Variants in PIP5K1C observed in about 807,000 individuals in gnomAD.
PIP5K1C encodes phosphatidylinositol-4-phosphate 5-kinase type 1 gamma.
PIP5K1C carries 45 observed loss-of-function variants against 80.1 expected under a neutral mutation model. The ratio of observed to expected loss-of-function variants is 0.56; its 90% CI spans 0.44 to 0.72. The LOEUF (loss-of-function observed/expected upper bound fraction) is 0.72. PIP5K1C is among the 30% of genes least tolerant of loss of function. The pLI, the probability that PIP5K1C is intolerant of heterozygous loss-of-function variation, is 0.00. For missense variants in PIP5K1C, 753 were observed against 954.6 expected (o/e 0.79, Z 2.78); for synonymous variants, 498 against 420.1 (o/e 1.19, Z -2.27).
intron 1 of PIP5K1C, among the ~76,000 whole-genome samples, chr19:3,675,630 G>A (rs375750266): frequency 1.3e-5 from 2 of 152,146 alleles, no homozygotes; most frequent in Non-Finnish European, 2.9e-5. Context: ...GACATCAAAC[G>A]GCCCTGCCTC....
At chr19:3,638,738 G>T in intron 16 of PIP5K1C, 146 bp downstream of exon 16, 2 of 1,038,656 alleles carry the variant, frequency 1.9e-6, no homozygotes, top group Non-Finnish European at 2.9e-6. Flanking sequence ...GAGAGTGCTG[G>T]CTGGTGAGAG....
chr19:3,661,916 A>G lies in PIP5K1C; in HGVS notation c.305T>C (p.Val102Ala). 6.2e-7 allele frequency: 1 copy of G among 1,612,950 alleles called. No homozygotes were observed. Among genetic ancestry groups the G allele is most frequent in the Admixed American group, 1.7e-5 (1 of 60,030 alleles). The change falls in exon 4 of 18, where the codon GTG becomes GCG. Residue 102 changes from valine to alanine, a missense_variant. Physicochemically the swap from Val to Ala is moderately conservative, Grantham distance 64. This residue lies in a region of PIP5K1C where 139 missense variants were observed against 289.7 expected (regional missense o/e 0.48). Coordinates refer to ENST00000335312, the MANE Select transcript of PIP5K1C (RefSeq NM_012398.3). ...GHLSSKPERDVLMQDFYVVES... is the reference protein window; with the variant it reads ...GHLSSKPERDALMQDFYVVES... ...CACCACGTAGAAGTCCTGCATGAGC[A>G]CGTCGCGTTCGGGCTTGGAGCTCAG...
rs747435471 is a variant in PIP5K1C at position 3,633,160 on chromosome 19, A to C, written c.*7T>G. 1 of 767,064 alleles carries C rather than the reference A, an allele frequency of 1.3e-6. No individual in the cohort carries two copies. Among genetic ancestry groups the C allele is most frequent in the Non-Finnish European group, 2.4e-6 (1 of 412,304 alleles). The allele number at this position is 767,064 out of a possible 1,614,324, so 47.5% of individuals were successfully genotyped here. A position where few individuals can be genotyped will look rare whatever the true frequency, so the allele number is the denominator to read the frequency against. On this transcript the variant is annotated 3_prime_UTR_variant, in exon 18 of 18. Coordinates refer to ENST00000335312, the MANE Select transcript of PIP5K1C (RefSeq NM_012398.3). ...AGCTCGGCTCTGGGTCGGGGGCTGC[A>C]TAGAAATTACTGCAAGAGCAAGAGG...
intron 1 of PIP5K1C, among the ~76,000 whole-genome samples, chr19:3,667,808 G>A (rs779625342): frequency 1.6e-4 from 24 of 152,244 alleles, no homozygotes; most frequent in Admixed American, 5.2e-4. Flanking sequence ...CCGCTTCCTC[G>A]GAGGCAGGCG....
intron 1 of PIP5K1C, among the ~76,000 whole-genome samples, chr19:3,683,171 A>G (rs1180877962): frequency 6.6e-6 from 1 of 151,926 alleles, no homozygotes; most frequent in East Asian, 1.9e-4. Flanking sequence ...GATCCTCCAC[A>G]TTTGTTCCCT....
At position 3,641,276 on chromosome 19, in the gene PIP5K1C, TA is replaced by T. The variant is rs200466191; in HGVS notation, c.1787+428del. Reference sequence around the variant, plus strand: ...TTAAATTAATAAATACTAAAAAGGTTAAAAAAAAATTAGTTAAATACTTGGA... The same window carrying T: ...TTAAATTAATAAATACTAAAAAGGTTAAAAAAAATTAGTTAAATACTTGGA... On this transcript the variant is annotated intron_variant, in intron 15 of 17. Transcript: ENST00000335312. 7.3e-3 allele frequency among the ~76,000 whole-genome samples: 1,110 copies of T among 151,334 alleles called. 8 individuals are homozygous for T. The highest frequency in any genetic ancestry group is 0.02 in the African/African-American group (818 of 41,338).
rs541942124 is a variant in PIP5K1C, at chr19:3,675,467, G to A, written c.95-8114C>T. On this transcript the variant is annotated intron_variant, in intron 1 of 17. Transcript: ENST00000335312. ...AGCTTCTCACACTGTCTGTGCTGTA[G>A]AACTGAGTTCAACCTTTCTTTTCTC... 2.0e-5 allele frequency among the ~76,000 whole-genome samples: 3 copies of A among 152,300 alleles called. 1 individual carries two copies. Among genetic ancestry groups the A allele is most frequent in the Admixed American group, 2.0e-4 (3 of 15,300 alleles).
At position 3,696,070 on chromosome 19, in the gene PIP5K1C, G is replaced by A. The variant is rs2036093059; in HGVS notation, c.94+4227C>T. 2.0e-5 allele frequency among the ~76,000 whole-genome samples: 3 copies of A among 152,174 alleles called. No individual in the cohort carries two copies. The highest frequency in any genetic ancestry group is 6.5e-5 in the Admixed American group (1 of 15,274). On this transcript the variant is annotated intron_variant, in intron 1 of 17. Transcript: ENST00000335312. The surrounding 1 kb of genome is among the most constrained non-coding windows in gnomAD (Gnocchi z 4.1). ...ACACAGACCACCACAGCTACAGGGAGGCCCTGGTGGCGGTGCTGACTCCCT... is the reference window on the plus strand; with the variant it reads ...ACACAGACCACCACAGCTACAGGGAAGCCCTGGTGGCGGTGCTGACTCCCT...
Position 3,688,048 on chromosome 19 carries a change from G to A in PIP5K1C, c.94+12249C>T, listed in dbSNP as rs1472300776. ...CGCAGGTGGCGGGGCCGACGGGATG[G>A]GTCAGGGTGCACAGAGCACACGCCA... On this transcript the variant is annotated intron_variant, in intron 1 of 17. Transcript: ENST00000335312. This position sits in a 1 kb window ranked among gnomAD's most constrained non-coding sequence, Gnocchi z 5.3. 6.6e-6 allele frequency among the ~76,000 whole-genome samples: 1 copy of A among 152,174 alleles called. No individual in the cohort carries two copies. Among genetic ancestry groups the A allele is most frequent in the Non-Finnish European group, 1.5e-5 (1 of 68,018 alleles).
intron 12 of PIP5K1C, 113 bp downstream of exon 12, chr19:3,643,974 C>T (rs866616424): frequency 3.5e-5 from 46 of 1,297,564 alleles, no homozygotes; most frequent in African/African-American, 2.5e-4. Flanking sequence ...CCTGCAGATC[C>T]GGAGGGGGTG....
At chr19:3,689,983 G>A (rs911647920) in intron 1 of PIP5K1C, among the ~76,000 whole-genome samples, 6 of 152,068 alleles carry the variant, frequency 3.9e-5, no homozygotes, top group African/African-American at 1.5e-4. Context: ...ATTTTTAATA[G>A]CCTAATATAA....
intron 16 of PIP5K1C, among the ~76,000 whole-genome samples, chr19:3,635,764 G>A (rs1369551507): frequency 1.3e-5 from 2 of 152,188 alleles, no homozygotes; most frequent in Non-Finnish European, 2.9e-5. Flanking sequence ...CAGATCACGA[G>A]GTCAGGAGAT....
At chr19:3,675,073 A>C (rs1452159927) in intron 1 of PIP5K1C, among the ~76,000 whole-genome samples, 1 of 152,122 alleles carries the variant, frequency 6.6e-6, no homozygotes, top group African/African-American at 2.4e-5. Flanking sequence ...GAGGGGATGC[A>C]TGGGTGCTGG....
At position 3,692,398 on chromosome 19, in the gene PIP5K1C, GC is replaced by G. The variant is rs1420569145; in HGVS notation, c.94+7898del. 5.3e-5 allele frequency among the ~76,000 whole-genome samples: 8 copies of G among 152,166 alleles called. No homozygotes were observed. The highest frequency in any genetic ancestry group is 1.3e-4 in the Admixed American group (2 of 15,290). On this transcript the variant is annotated intron_variant, in intron 1 of 17. Transcript: ENST00000335312. This position sits in a 1 kb window ranked among gnomAD's most constrained non-coding sequence, Gnocchi z 5.2. The stretch of plus-strand genomic sequence containing the variant: ...AGCTCGGCCATGCTGGGCCCCGGCG[GC>G]CCCCATGCTGCCCTTCCTGCATCCA...
chr19:3,681,368 T>A (rs745353056), intron 1 of PIP5K1C, among the ~76,000 whole-genome samples: 13 of 151,946 alleles, frequency 8.6e-5, no homozygotes, highest in Non-Finnish European at 1.6e-4. Flanking sequence ...GTAGCTGGGA[T>A]TACAGGCGTT....
At chr19:3,668,038 C>T (rs369097008) in intron 1 of PIP5K1C, among the ~76,000 whole-genome samples, 18 of 152,284 alleles carry the variant, frequency 1.2e-4, no homozygotes, top group Middle Eastern at 6.8e-3. Context: ...CGAGGGGACC[C>T]CCAGCCCTGC....
At chr19:3,667,799 C>T (rs937468898) in intron 1 of PIP5K1C, among the ~76,000 whole-genome samples, 1 of 152,210 alleles carries the variant, frequency 6.6e-6, no homozygotes, top group African/African-American at 2.4e-5. Context: ...GACCAAGCCC[C>T]GCTTCCTCGG....
intron 15 of PIP5K1C, among the ~76,000 whole-genome samples, chr19:3,640,760 C>A (rs932745098): frequency 2.0e-4 from 31 of 151,480 alleles, no homozygotes; most frequent in African/African-American, 7.5e-4. Context: ...GATCTCAGCT[C>A]ACTGCAAACT....
rs1453943308 is a variant in PIP5K1C at position 3,638,866 on chromosome 19, G to A, written c.1920+18C>T. 2 of 1,613,014 alleles carry A rather than the reference G, an allele frequency of 1.2e-6. No homozygotes were observed. Among genetic ancestry groups the A allele is most frequent in the East Asian group, 2.2e-5 (1 of 44,862 alleles). On this transcript the variant is annotated intron_variant, in intron 16 of 17. Transcript: ENST00000335312. ...TCCGGTTGACGAGCCGGCGGCAGGA[G>A]GAGCCCGGGGCACTTACAAAGTAGA...
Sources: gnomAD v4.1 joint callset for allele counts (sites outside exome capture counted in the v4.1 genomes callset) on GRCh38, gnomAD v4.1.1 for gene constraint, gnomAD v4.1.1 regional missense constraint, Gnocchi (gnomAD v3.1) non-coding constraint, MANE v1.5 for transcripts, NCBI Gene and HGNC (gene_info 2026-07-23, HGNC 2026-07-21) for gene names.